The following EYA3 variants were observed in gnomAD, a reference collection of about 807,000 sequenced individuals.
EYA3 encodes EYA transcriptional coactivator and phosphatase 3, also known as protein phosphatase EYA3.
Under a neutral mutation model 80.0 loss-of-function variants are expected in EYA3, and 39 were observed. That is an observed-to-expected ratio of 0.49 (90% confidence interval 0.38 to 0.64). The LOEUF (loss-of-function observed/expected upper bound fraction) is 0.64, where lower values mean the gene tolerates loss of function less well. Ranked by LOEUF, EYA3 falls within the 30% of genes least tolerant of loss-of-function variation. The probability of loss-of-function intolerance (pLI) is 0.00; values close to 1 mark genes in which losing one functional copy is unlikely to be tolerated. For missense variants in EYA3, 523 were observed against 676.1 expected, an observed-to-expected ratio of 0.77 and a Z score of 2.51; for synonymous variants, 206 against 232.8, an observed-to-expected ratio of 0.88 and a Z score of 1.05.
chr1:28,049,492 C>T (rs1188012867), intron 2 of EYA3, among the ~76,000 whole-genome samples: 1 of 152,038 alleles, frequency 6.6e-6, no homozygotes, highest in East Asian at 1.9e-4. Flanking sequence ...TTGAGGTGGG[C>T]AAATCCTGAT....
chr1:28,071,692 A>T (rs1362081383), intron 1 of EYA3, among the ~76,000 whole-genome samples: 1 of 152,204 alleles, frequency 6.6e-6, no homozygotes, highest in East Asian at 1.9e-4. Context: ...GAAGAAAAAC[A>T]CTGAAATAGA....
rs1168641492 is a variant in EYA3, at chr1:27,974,114, C to T, written c.*352G>A. The stretch of plus-strand genomic sequence containing the variant: ...ACAAAACACAGAAAAATTAAAAGCA[C>T]TGTAGCTGCAGTGAGTCCATTGTTC... On this transcript the variant is annotated 3_prime_UTR_variant, in exon 18 of 18. Coordinates refer to ENST00000373871, the MANE Select transcript of EYA3 (RefSeq NM_001990.4). The T allele has an allele frequency of 6.2e-6, 1 of 160,422 alleles. No individual in the cohort carries two copies. The highest frequency in any genetic ancestry group is 1.4e-5 in the Non-Finnish European group (1 of 73,526). 9.9% of individuals were successfully genotyped at this position (160,422 alleles called of 1,614,324 possible). A position where few individuals can be genotyped will look rare whatever the true frequency, so the allele number is the denominator to read the frequency against.
intron 1 of EYA3, among the ~76,000 whole-genome samples, chr1:28,072,602 A>C (rs1645054915): frequency 6.6e-6 from 1 of 152,348 alleles, no homozygotes; most frequent in Non-Finnish European, 1.5e-5. Flanking sequence ...ATGTACAATT[A>C]GAAATTGCAC....
chr1:28,082,866 G>A (rs1463688243), intron 1 of EYA3, among the ~76,000 whole-genome samples: 6 of 152,060 alleles, frequency 3.9e-5, no homozygotes, highest in Admixed American at 1.3e-4. Flanking sequence ...TTTTTCTAAC[G>A]GGGGAGGAAT....
At chr1:28,048,503 T>C (rs765751251) in intron 2 of EYA3, 77 bp from the exon 3 acceptor site, 1 of 1,061,918 alleles carries the variant, frequency 9.4e-7, no homozygotes, top group Non-Finnish European at 1.4e-6. Context: ...AACAACAGGC[T>C]ATTAACTATT....
chr1:27,984,274 A>C (rs1040287660), intron 16 of EYA3, among the ~76,000 whole-genome samples: 10 of 151,460 alleles, frequency 6.6e-5, no homozygotes, highest in Non-Finnish European at 1.5e-4. Flanking sequence ...TCCTGGCCTC[A>C]AGTGATGCCT....
At chr1:28,003,163 G>C (rs1417264981) in intron 11 of EYA3, among the ~76,000 whole-genome samples, 1 of 151,850 alleles carries the variant, frequency 6.6e-6, no homozygotes, top group African/African-American at 2.4e-5. Flanking sequence ...CTAGCTACTG[G>C]GGAGGCTGAG....
chr1:28,086,223 C>CT (rs5773209), intron 1 of EYA3, among the ~76,000 whole-genome samples: 36,662 of 146,584 alleles, frequency 0.25, 4,518 homozygotes, highest in Non-Finnish European at 0.28. Flanking sequence ...GTTGTAATTT[C>CT]TTTTTTTTTT....
At chr1:28,039,664 A>G (rs1643663312) in intron 4 of EYA3, among the ~76,000 whole-genome samples, 1 of 152,226 alleles carries the variant, frequency 6.6e-6, no homozygotes, top group Non-Finnish European at 1.5e-5. Flanking sequence ...TTTATGTCTA[A>G]TTAGGTTCCC....
intron 2 of EYA3, among the ~76,000 whole-genome samples, chr1:28,052,430 T>C: frequency 6.6e-6 from 1 of 152,182 alleles, no homozygotes; most frequent in African/African-American, 2.4e-5. Context: ...CTACATTTGT[T>C]GGGTCAACTG....
At chr1:28,022,935 G>A (rs1481567653) in intron 7 of EYA3, among the ~76,000 whole-genome samples, 2 of 151,990 alleles carry the variant, frequency 1.3e-5, no homozygotes. Flanking sequence ...CAGGCTGGAA[G>A]CCCAAATCTT....
At chr1:28,042,721 A>G in intron 3 of EYA3, 71 bp from the exon 4 acceptor site, 1 of 1,197,844 alleles carries the variant, frequency 8.3e-7, no homozygotes. Flanking sequence ...ATGAGTTCAA[A>G]CCCATTTCCT....
chr1:28,062,861 G>C (rs1014034559), intron 1 of EYA3, among the ~76,000 whole-genome samples: 1 of 151,898 alleles, frequency 6.6e-6, no homozygotes, highest in Non-Finnish European at 1.5e-5. Flanking sequence ...AATTAATCTG[G>C]CGTGGTGGCA....
Position 28,038,892 on chromosome 1 carries a change from G to A in EYA3, c.171C>T (p.Thr57=), listed in dbSNP as rs768453199. 15 of 1,595,420 alleles carry A rather than the reference G, an allele frequency of 9.4e-6. No individual in the cohort carries two copies. The highest frequency in any genetic ancestry group is 3.4e-5 in the Admixed American group (2 of 59,414). ...LPMSEEIMTC[T]DYIPRSSNDY... is the part of the protein sequence containing the mutation. ...CATTGGATGAGCGAGGGATGTAATC[G>A]GTGCATGTCATAACTGAAAGAAAGA... is the stretch of plus-strand genomic sequence containing the variant. The change falls in exon 5 of 18, where the codon ACC becomes ACT. Residue 57 remains threonine, a synonymous_variant. Transcript: ENST00000373871.
intron 2 of EYA3, among the ~76,000 whole-genome samples, chr1:28,050,348 A>T (rs1005460211): frequency 2.6e-5 from 4 of 151,792 alleles, no homozygotes; most frequent in African/African-American, 4.8e-5. Flanking sequence ...GCACACCACC[A>T]TGCCCAGCTA....
chr1:28,030,683 T>C (rs769396609), intron 6 of EYA3, among the ~76,000 whole-genome samples: 4 of 152,248 alleles, frequency 2.6e-5, no homozygotes, highest in Non-Finnish European at 5.9e-5. Context: ...TGAGGAATAC[T>C]GACATCGCTA....
Position 27,989,695 on chromosome 1 carries a change from A to T in EYA3, c.1418+2T>A. On this transcript the variant is annotated splice_donor_variant, in intron 15 of 17. Coordinates refer to ENST00000373871, the MANE Select transcript of EYA3 (RefSeq NM_001990.4). LOFTEE classifies it high-confidence loss of function. ...TGAGACCTAAAAGAACCATTTCCAT[A>T]CCTGGACTGGATGAGAAGTAAGGAC... 1 of 1,590,582 alleles carries T rather than the reference A, an allele frequency of 6.3e-7. No individual in the cohort carries two copies. The highest frequency in any genetic ancestry group is 8.6e-7 in the Non-Finnish European group (1 of 1,161,380).
intron 7 of EYA3, among the ~76,000 whole-genome samples, chr1:28,021,585 A>C (rs1018924576): frequency 6.6e-6 from 1 of 151,560 alleles, no homozygotes; most frequent in Non-Finnish European, 1.5e-5. Flanking sequence ...GTGTGCACTA[A>C]GTGTGAAGGG....
chr1:28,019,346 T>C (rs1336020489), intron 7 of EYA3, among the ~76,000 whole-genome samples: 2 of 152,250 alleles, frequency 1.3e-5, no homozygotes, highest in African/African-American at 4.8e-5. Flanking sequence ...AGGTATTTTC[T>C]TTCAACCAAT....
Sources: gnomAD v4.1 joint callset for allele counts (sites outside exome capture counted in the v4.1 genomes callset) on GRCh38, gnomAD v4.1.1 for gene constraint, MANE v1.5 for transcripts, NCBI Gene and HGNC (gene_info 2026-07-23, HGNC 2026-07-21) for gene names.